The following SLC2A11 variants were observed in gnomAD, a reference collection of about 807,000 sequenced individuals.
SLC2A11 encodes the protein solute carrier family 2, facilitated glucose transporter member 11.
A neutral mutation model predicts 52.1 loss-of-function variants in SLC2A11; 43 were observed. That is an observed-to-expected ratio of 0.82 (90% CI 0.65 to 1.06). SLC2A11 has a LOEUF of 1.06. Among genes scored for constraint, SLC2A11 ranks in the 50% least tolerant of loss-of-function variants. The probability of loss-of-function intolerance (pLI) is 0.00; values close to 1 mark genes in which losing one functional copy is unlikely to be tolerated. For synonymous variants in SLC2A11, 261 were observed against 277.6 expected (o/e 0.94, Z 0.59); for missense variants, 582 against 654.2 (o/e 0.89, Z 1.20).
chr22:23,871,632 C>G (rs2032460198), intron 3 of SLC2A11: 1 of 151,642 alleles, frequency 6.6e-6, no homozygotes, highest in Non-Finnish European at 1.5e-5. Context: ...GTCCCAGCTA[C>G]TCGGCAGACT....
At chr22:23,863,608 G>T (rs73160440) in intron 2 of SLC2A11, among the ~76,000 whole-genome samples, 7,554 of 86,718 alleles carry the variant, frequency 0.087, 293 homozygotes, top group Middle Eastern at 0.16. Context: ...TCTCTCTCTG[G>T]TTTTTTTTTT....
At chr22:23,857,487 C>CGGATGGA, upstream of SLC2A11, 2 of 1,613,698 alleles carry the variant, frequency 1.2e-6, no homozygotes, top group Non-Finnish European at 8.5e-7. Context: ...GCGGCAGAGG[C>CGGATGGA]GGATGGAGGA....
chr22:23,875,972 C>G (rs2032601806), intron 4 of SLC2A11, among the ~76,000 whole-genome samples: 1 of 152,120 alleles, frequency 6.6e-6, no homozygotes, highest in Non-Finnish European at 1.5e-5. Flanking sequence ...GGATCCACTT[C>G]CAAGATGCTC....
intron 8 of SLC2A11, chr22:23,883,196 A>T (rs1219238633): frequency 7.3e-6 from 3 of 408,662 alleles, no homozygotes; most frequent in Non-Finnish European, 1.4e-5. Flanking sequence ...CAGTAGGTGG[A>T]GGTTGCAGTG....
intron 6 of SLC2A11, chr22:23,882,067 A>AAC (rs145047029): frequency 0.13 from 20,255 of 151,654 alleles, 4,912 homozygotes; most frequent in Admixed American, 0.17. Context: ...CAGAGAGAGA[A>AAC]ACACACACAC....
In SLC2A11 at chr22:23,883,870, G is replaced by A. The variant is rs1234897091; in HGVS notation, c.1092G>A (p.Leu364=). ...WGSIFTVALC[L]QSSFPWTLYL... is the part of the protein sequence containing the mutation. ...GCATCTTCACTGTGGCCCTGTGCCT[G>A]CAGGTAGCTGGGGTGGATGAGGGCT... Residue 364 remains leucine, a synonymous_variant, in exon 9 of 12, where the codon CTG becomes CTA. Coordinates refer to ENST00000316185, the MANE Select transcript of SLC2A11 (RefSeq NM_001024939.4). 2 of 1,600,542 alleles carry A rather than the reference G, an allele frequency of 1.2e-6. No homozygotes were observed. The highest frequency in any genetic ancestry group is 1.7e-6 in the Non-Finnish European group (2 of 1,175,702).
In SLC2A11 at chr22:23,883,837, C is replaced by T. The variant is rs2032909031; in HGVS notation, c.1059C>T (p.Cys353=). 6.3e-7 allele frequency: 1 copy of T among 1,589,530 alleles called. No homozygotes were observed. Among genetic ancestry groups the T allele is most frequent in the South Asian group, 1.1e-5 (1 of 87,820 alleles). Reference sequence around the variant, plus strand: ...TCGGTGGGTACAGCCTGATGACCTGCTGGGGGAGCATCTTCACTGTGGCCC... The same window carrying T: ...TCGGTGGGTACAGCCTGATGACCTGTTGGGGGAGCATCTTCACTGTGGCCC... ...LLIGGYSLMT[C]WGSIFTVALC... is the part of the protein sequence containing the mutation. The change falls in exon 9 of 12, where the codon TGC becomes TGT. Residue 353 remains cysteine, a synonymous_variant. Transcript: ENST00000316185.
At chr22:23,857,586 C>CCCGCGGCGGCGA, upstream of SLC2A11, 5 of 1,475,462 alleles carry the variant, frequency 3.4e-6, no homozygotes, top group Non-Finnish European at 2.8e-6. Flanking sequence ...AACCCCCCCC[C>CCCGCGGCGGCGA]CGCGGCGGCG....
At chr22:23,877,947 C>T in intron 6 of SLC2A11, 78 bp downstream of exon 6, 2 of 1,453,586 alleles carry the variant, frequency 1.4e-6, no homozygotes, top group South Asian at 1.4e-5. Flanking sequence ...GTCCCCATTT[C>T]ATAGGTTTCA....
chr22:23,873,220 C>T (rs541119989), intron 3 of SLC2A11: 1 of 151,900 alleles, frequency 6.6e-6, no homozygotes, highest in African/African-American at 2.4e-5. Flanking sequence ...CGGGGTTTCA[C>T]TATGTTGGTC....
rs768121528 is a variant in SLC2A11, at chr22:23,875,251, G to A, written c.415+10G>A. 4.9e-6 allele frequency: 7 copies of A among 1,417,992 alleles called. No individual in the cohort carries two copies. In the East Asian group the frequency reaches 1.0e-4, roughly 21 times the overall value. 87.8% of individuals were successfully genotyped at this position (1,417,992 alleles called of 1,614,324 possible). ...GTGGGAGTCAATGCAGGTATGGGGT[G>A]GGGGCTTCTCATCCTGCCTCTCTAT... On this transcript the variant is annotated intron_variant, in intron 4 of 11. Transcript: ENST00000316185.
chr22:23,880,274 A>AGAAG (rs71320740), intron 6 of SLC2A11: 1 of 130,120 alleles, frequency 7.7e-6, no homozygotes, highest in Non-Finnish European at 1.7e-5. Context: ...AAAAAAAAAA[A>AGAAG]AAAAGAAAAG....
At position 23,858,062 on chromosome 22, in the gene SLC2A11, T is replaced by G; in HGVS notation, c.30+33T>G. ...TTCTCATACTTGCCCAGACCAGGCG[T>G]TTCAGATGAGGGATTGCGGACCTGA... On this transcript the variant is annotated intron_variant, in intron 1 of 11. Transcript: ENST00000316185. 1.9e-6 allele frequency: 3 copies of G among 1,552,814 alleles called. No homozygotes were observed. The African/African-American group carries it at 4.1e-5, about 21-fold the overall frequency.
chr22:23,877,819 G>A lies in SLC2A11; in HGVS notation c.644G>A (p.Ser215Asn). Residue 215 changes from serine (S) to asparagine (N), a missense_variant, in exon 6 of 12, where the codon AGC (serine) becomes AAC (asparagine). Physicochemically the swap from Ser to Asn is conservative, Grantham distance 46. Coordinates refer to ENST00000316185, the MANE Select transcript of SLC2A11 (RefSeq NM_001024939.4). ...GCCTCCCTGCCTCTGCTCCCTGAAA[G>A]CCCGCGCTACCTCCTCATTGACTGT... ...QLASLPLLPESPRYLLIDCGD... is the reference protein window; with the variant it reads ...QLASLPLLPENPRYLLIDCGD... 1 of 1,613,452 alleles carries A rather than the reference G, an allele frequency of 6.2e-7. No homozygotes were observed. Among genetic ancestry groups the A allele is most frequent in the Non-Finnish European group, 8.5e-7 (1 of 1,179,752 alleles).
intron 4 of SLC2A11, 127 bp downstream of exon 4, chr22:23,875,368 TA>T: frequency 9.0e-7 from 1 of 1,106,130 alleles, no homozygotes; most frequent in South Asian, 3.5e-5. Flanking sequence ...TATTTATGCC[TA>T]CCTTTGTCAC....
At position 23,882,546 on chromosome 22, in the gene SLC2A11, C is replaced by T. The variant is rs2032853684; in HGVS notation, c.782C>T (p.Ala261Val). The T allele has an allele frequency of 1.9e-6, 3 of 1,609,610 alleles. No individual in the cohort carries two copies. Among genetic ancestry groups the T allele is most frequent in the Middle Eastern group, 1.7e-4 (1 of 6,024 alleles). Residue 261 changes from alanine to valine, a missense_variant, in exon 7 of 12, where the codon GCC (alanine) becomes GTC (valine). Ala to Val is a moderately conservative substitution (Grantham distance 64). Transcript: ENST00000316185. The part of the protein sequence containing the change: ...EERAACQGCR[A>V]RRPWELFQHR... ...CGCGCTGCCTGCCAGGGCTGCCGTG[C>T]CCGGCGCCCATGGGAGCTGTTCCAG...
upstream of SLC2A11, chr22:23,857,680 G>C (rs1046589223): frequency 1.8e-6 from 2 of 1,133,154 alleles, no homozygotes; most frequent in Non-Finnish European, 1.2e-6. Context: ...CGCCTCAGGC[G>C]CCCTCCGCGA....
intron 1 of SLC2A11, chr22:23,858,282 C>A: frequency 1.5e-6 from 1 of 646,878 alleles, no homozygotes. Context: ...GATGCTAAAT[C>A]CTCTGCCGAT....
chr22:23,882,980 G>C, intron 8 of SLC2A11, 111 bp downstream of exon 8: 1 of 1,032,334 alleles, frequency 9.7e-7, no homozygotes, highest in African/African-American at 1.6e-5. Context: ...GCAGTGAGGG[G>C]CCAGGTGCGG....
Sources: gnomAD v4.1 joint callset for allele counts (sites outside exome capture counted in the v4.1 genomes callset) on GRCh38, gnomAD v4.1.1 for gene constraint, MANE v1.5 for transcripts, NCBI Gene and HGNC (gene_info 2026-07-23, HGNC 2026-07-21) for gene names.